Variants in MBOAT2 observed in about 807,000 individuals in gnomAD.
MBOAT2 encodes the protein membrane-bound glycerophospholipid O-acyltransferase 2.
MBOAT2 carries 28 observed loss-of-function variants against 63.4 expected under a neutral mutation model. The observed-to-expected ratio is 0.44, with a 90% CI of 0.33 to 0.61. MBOAT2 has a LOEUF of 0.61. MBOAT2 is among the 20% of genes least tolerant of loss of function. The pLI, the probability that MBOAT2 is intolerant of heterozygous loss-of-function variation, is 0.03. For synonymous variants in MBOAT2, 211 were observed against 215.6 expected (o/e 0.98, Z 0.19); for missense variants, 470 against 605.8 (o/e 0.78, Z 2.35).
At chr2:8,928,939 T>C (rs769345083) in intron 3 of MBOAT2, among the ~76,000 whole-genome samples, 1 of 152,168 alleles carries the variant, frequency 6.6e-6, no homozygotes, top group Non-Finnish European at 1.5e-5. Flanking sequence ...CTGGATCAGA[T>C]TTTGCAAATG....
At chr2:8,937,551 C>G (rs1434269377) in intron 3 of MBOAT2, among the ~76,000 whole-genome samples, 1 of 152,170 alleles carries the variant, frequency 6.6e-6, no homozygotes, top group African/African-American at 2.4e-5. Context: ...TGTAACAAAT[C>G]ATTTGTCCTA....
At chr2:8,861,945 C>T (rs1661528822) in intron 11 of MBOAT2, among the ~76,000 whole-genome samples, 1 of 152,186 alleles carries the variant, frequency 6.6e-6, no homozygotes, top group African/African-American at 2.4e-5. Flanking sequence ...TAAATATCTG[C>T]TAGTTTGTTA....
At chr2:8,863,274 A>G (rs1386353385) in intron 10 of MBOAT2, among the ~76,000 whole-genome samples, 1 of 152,202 alleles carries the variant, frequency 6.6e-6, no homozygotes, top group Non-Finnish European at 1.5e-5. Flanking sequence ...GGCACTGTGA[A>G]GAGATGACAG....
chr2:8,863,963 G>A (rs562443465), intron 10 of MBOAT2, among the ~76,000 whole-genome samples: 4 of 152,318 alleles, frequency 2.6e-5, no homozygotes, highest in Admixed American at 2.6e-4. Flanking sequence ...TGCACCTGCA[G>A]GATAGCTGCA....
At chr2:8,917,941 T>C (rs1223501774) in intron 3 of MBOAT2, among the ~76,000 whole-genome samples, 1 of 152,206 alleles carries the variant, frequency 6.6e-6, no homozygotes, top group Non-Finnish European at 1.5e-5. Flanking sequence ...TTTTTAAACA[T>C]TAAGCTGAGT....
At chr2:8,990,113 T>C (rs1671824425) in intron 1 of MBOAT2, among the ~76,000 whole-genome samples, 1 of 152,220 alleles carries the variant, frequency 6.6e-6, no homozygotes, top group African/African-American at 2.4e-5. Context: ...CTCGACCCTC[T>C]GCTCTCTGAA....
intron 1 of MBOAT2, among the ~76,000 whole-genome samples, chr2:8,998,622 T>C (rs1234217289): frequency 6.7e-6 from 1 of 149,998 alleles, no homozygotes; most frequent in Non-Finnish European, 1.5e-5. Context: ...GGGGCGGGGG[T>C]TGGGAATATA....
chr2:8,989,901 C>T (rs551786562), intron 1 of MBOAT2, among the ~76,000 whole-genome samples: 68 of 152,260 alleles, frequency 4.5e-4, no homozygotes, highest in African/African-American at 1.6e-3. Flanking sequence ...CAATGGCAGC[C>T]ATGGCTGCCA....
rs1668012882 is a variant in MBOAT2, at chr2:8,940,969, A to G, written c.299+2218T>C. Among the ~76,000 whole-genome samples, 4 of 152,320 alleles carry G rather than the reference A, an allele frequency of 2.6e-5. No homozygotes were observed. In the South Asian group the frequency reaches 6.2e-4, roughly 24 times the overall value. On this transcript the variant is annotated intron_variant, in intron 3 of 12. Transcript: ENST00000305997. Reference sequence around the variant, plus strand: ...AAACAGATTGTATTCGACATAAACAATAACTTTGGACAACACATAAAAATG... The same window carrying G: ...AAACAGATTGTATTCGACATAAACAGTAACTTTGGACAACACATAAAAATG...
At chr2:8,960,518 T>C (rs1669533441) in intron 1 of MBOAT2, among the ~76,000 whole-genome samples, 1 of 152,116 alleles carries the variant, frequency 6.6e-6, no homozygotes, top group Non-Finnish European at 1.5e-5. Context: ...CCACAAAGGA[T>C]GTGAGGGGTA....
In MBOAT2 at chr2:8,952,084, C is replaced by T. The variant is rs182519017; in HGVS notation, c.221+6413G>A. Among the ~76,000 whole-genome samples the T allele has an allele frequency of 8.7e-4, 132 of 152,296 alleles. 1 individual carries two copies. Among genetic ancestry groups the T allele is most frequent in the Middle Eastern group, 3.4e-3 (1 of 294 alleles). ...CACTGTATACTTTCCTCTTAACACG[C>T]TTTTGCTGCATCCCAGAGATTTTGG... is the stretch of plus-strand genomic sequence containing the variant. On this transcript the variant is annotated intron_variant, in intron 2 of 12. Coordinates refer to ENST00000305997, the MANE Select transcript of MBOAT2 (RefSeq NM_138799.4).
chr2:8,901,840 CAG>C (rs1286713293), intron 4 of MBOAT2, among the ~76,000 whole-genome samples: 3 of 152,266 alleles, frequency 2.0e-5, no homozygotes, highest in South Asian at 2.1e-4. Flanking sequence ...AGAAAAGAAT[CAG>C]AGACAGGGAG....
At chr2:8,954,513 A>T (rs1669072310) in intron 2 of MBOAT2, among the ~76,000 whole-genome samples, 1 of 152,098 alleles carries the variant, frequency 6.6e-6, no homozygotes. Context: ...CCGAGAATGC[A>T]GGATTGTGCC....
At position 9,003,154 on chromosome 2, in the gene MBOAT2, C is replaced by T. The variant is rs1170211387; in HGVS notation, c.75+386G>A. ...GCTCCCCAAAGCGCAGCCTTCCGCA[C>T]CCTTTCCACAACCCGGTCCATGCGC... On this transcript the variant is annotated intron_variant, in intron 1 of 12. Transcript: ENST00000305997. This position sits in a 1 kb window ranked among gnomAD's most constrained non-coding sequence, Gnocchi z 5.4. Among the ~76,000 whole-genome samples, 2 of 152,172 alleles carry T rather than the reference C, an allele frequency of 1.3e-5. No individual in the cohort carries two copies. Among genetic ancestry groups the T allele is most frequent in the Admixed American group, 6.5e-5 (1 of 15,286 alleles).
Position 8,918,532 on chromosome 2 carries a change from G to C in MBOAT2, c.300-9816C>G, listed in dbSNP as rs184657145. 4.6e-5 allele frequency among the ~76,000 whole-genome samples: 7 copies of C among 152,326 alleles called. No individual in the cohort carries two copies. The East Asian group carries it at 1.2e-3, about 25-fold the overall frequency. ...TGATGGATTTGCTGGGTGCAGGGAT[G>C]CCACAAACTTTCTGTTTGTTTAATA... is the stretch of plus-strand genomic sequence containing the variant. On this transcript the variant is annotated intron_variant, in intron 3 of 12. Transcript: ENST00000305997.
At position 8,996,384 on chromosome 2, in the gene MBOAT2, GAAGT is replaced by G. The variant is rs768057207; in HGVS notation, c.75+7152_75+7155del. ...TTTTTATTTGTATTCATCGGGTAGA[GAAGT>G]AAGTCATATTGAAGCAACCCTAACG... On this transcript the variant is annotated intron_variant, in intron 1 of 12. Coordinates refer to ENST00000305997, the MANE Select transcript of MBOAT2 (RefSeq NM_138799.4). Among the ~76,000 whole-genome samples the G allele has an allele frequency of 2.1e-4, 32 of 152,330 alleles. No individual in the cohort carries two copies. In the East Asian group the frequency reaches 3.7e-3, roughly 17 times the overall value.
At chr2:8,964,545 A>C (rs1449286400) in intron 1 of MBOAT2, among the ~76,000 whole-genome samples, 1 of 150,436 alleles carries the variant, frequency 6.6e-6, no homozygotes, top group Non-Finnish European at 1.5e-5. Flanking sequence ...TTTTTCACTT[A>C]ATATTACATT....
intron 2 of MBOAT2, among the ~76,000 whole-genome samples, chr2:8,948,076 G>T (rs1215669026): frequency 6.6e-6 from 1 of 152,186 alleles, no homozygotes; most frequent in Non-Finnish European, 1.5e-5. Context: ...GCAGCAGTTT[G>T]GAAGAGGTTG....
intron 1 of MBOAT2, among the ~76,000 whole-genome samples, chr2:8,993,582 C>A (rs1672061249): frequency 6.6e-6 from 1 of 152,104 alleles, no homozygotes; most frequent in Admixed American, 6.6e-5. Flanking sequence ...GTGCACAGTT[C>A]CCAGGAAAAG....
Sources: allele counts gnomAD v4.1 joint callset (sites outside exome capture counted in the v4.1 genomes callset), GRCh38; gene constraint gnomAD v4.1.1; non-coding constraint Gnocchi (gnomAD v3.1); transcripts MANE v1.5; gene names NCBI Gene and HGNC (gene_info 2026-07-23, HGNC 2026-07-21).